SLC4A4: variants seen among roughly 807,000 people sequenced by gnomAD.
SLC4A4 encodes electrogenic sodium bicarbonate cotransporter 1.
A neutral mutation model predicts 111.5 loss-of-function variants in SLC4A4; 27 were observed. That is an observed-to-expected ratio of 0.24 (90% confidence interval 0.18 to 0.33). The LOEUF (loss-of-function observed/expected upper bound fraction) is 0.33, where lower values mean the gene tolerates loss of function less well. Ranked by LOEUF, SLC4A4 falls within the 10% of genes least tolerant of loss-of-function variation. The probability of loss-of-function intolerance (pLI) is 1.00; values close to 1 mark genes in which losing one functional copy is unlikely to be tolerated. For synonymous variants in SLC4A4, 443 were observed against 463.4 expected, an observed-to-expected ratio of 0.96 and a Z score of 0.57; for missense variants, 909 against 1,315.5, an observed-to-expected ratio of 0.69 and a Z score of 4.78.
chr4:71,385,171 T>TTA (rs199563560), intron 6 of SLC4A4, among the ~76,000 whole-genome samples: 1,895 of 39,896 alleles, frequency 0.047, 311 homozygotes, highest in South Asian at 0.11. Context: ...TAGGTTAGAT[T>TTA]TATATATATA....
chr4:71,503,068 T>C (rs1731091836), intron 16 of SLC4A4, among the ~76,000 whole-genome samples: 1 of 152,158 alleles, frequency 6.6e-6, no homozygotes, highest in African/African-American at 2.4e-5. Context: ...TTTATTATTA[T>C]ATAATGACCT....
intron 7 of SLC4A4, among the ~76,000 whole-genome samples, chr4:71,419,104 T>TG (rs953377235): frequency 1.3e-5 from 2 of 152,142 alleles, no homozygotes; most frequent in Non-Finnish European, 2.9e-5. Flanking sequence ...CTGCCCCTAC[T>TG]GGGGGGTGCC....
intron 7 of SLC4A4, among the ~76,000 whole-genome samples, chr4:71,421,570 G>T (rs1219260099): frequency 6.6e-6 from 1 of 152,050 alleles, no homozygotes; most frequent in Non-Finnish European, 1.5e-5. Context: ...TTCCAAAATT[G>T]ACCACATACT....
intron 3 of SLC4A4, among the ~76,000 whole-genome samples, chr4:71,309,822 A>G (rs1276921103): frequency 2.6e-5 from 4 of 152,030 alleles, no homozygotes; most frequent in African/African-American, 9.7e-5. Context: ...AAAATGGGAC[A>G]CCGAATGAGT....
At chr4:71,442,642 G>A (rs1431319576) in intron 8 of SLC4A4, among the ~76,000 whole-genome samples, 2 of 152,158 alleles carry the variant, frequency 1.3e-5, no homozygotes, top group Non-Finnish European at 2.9e-5. Context: ...ATGTTTTAAT[G>A]TGCATGCTAC....
chr4:71,267,805 A>AAG (rs1360486479), intron 3 of SLC4A4, among the ~76,000 whole-genome samples: 22 of 149,994 alleles, frequency 1.5e-4, no homozygotes, highest in East Asian at 7.8e-4. Context: ...AAAAAAAAAA[A>AAG]AAAAAAAAAA....
rs532016095 is a variant in SLC4A4, at chr4:71,554,869, T to TA, written c.2695-263dup. ...GAAACATAACTTTTCCTCCATTAAT[T>TA]AAAAAAAAGTTATTAGTAAGGTCAT... On this transcript the variant is annotated intron_variant, in intron 20 of 25. Coordinates refer to ENST00000264485, the MANE Select transcript of SLC4A4 (RefSeq NM_001098484.3). 3.2e-4 allele frequency among the ~76,000 whole-genome samples: 48 copies of TA among 151,562 alleles called. No homozygotes were observed. In the South Asian group the frequency reaches 5.6e-3, roughly 18 times the overall value.
intron 2 of SLC4A4, among the ~76,000 whole-genome samples, chr4:71,105,631 A>G (rs1368811820): frequency 7.2e-6 from 1 of 139,586 alleles, no homozygotes; most frequent in Admixed American, 7.2e-5. Flanking sequence ...ATCTACAACT[A>G]TCTGATCTTT....
chr4:71,466,645 A>C, intron 13 of SLC4A4, 68 bp downstream of exon 13: 1 of 1,463,342 alleles, frequency 6.8e-7, no homozygotes. Flanking sequence ...GGCTAGATAG[A>C]GCATAGAATA....
chr4:71,195,242 T>TTG (rs1553961253), intron 1 of SLC4A4, among the ~76,000 whole-genome samples: 1 of 149,098 alleles, frequency 6.7e-6, no homozygotes, highest in African/African-American at 2.5e-5. Context: ...TTTTTTTTTT[T>TTG]TTTTTTTTTT....
chr4:71,550,560 CTA>C (rs1302174017), intron 20 of SLC4A4, among the ~76,000 whole-genome samples: 1 of 151,784 alleles, frequency 6.6e-6, no homozygotes, highest in African/African-American at 2.4e-5. Context: ...CCCTTTGTGA[CTA>C]TGTGTTTTTT....
chr4:71,125,977 C>T (rs189959692), intron 2 of SLC4A4, among the ~76,000 whole-genome samples: 302 of 152,214 alleles, frequency 2.0e-3, no homozygotes, highest in East Asian at 5.0e-3. Flanking sequence ...CTCTATCATA[C>T]GTTTTTTCTG....
At chr4:71,309,917 A>G (rs191425650) in intron 3 of SLC4A4, among the ~76,000 whole-genome samples, 21 of 152,220 alleles carry the variant, frequency 1.4e-4, no homozygotes, top group Admixed American at 1.2e-3. Context: ...ACCCAATGCA[A>G]GGACTCTAAG....
In SLC4A4 at chr4:71,466,467, C is replaced by A. The variant is rs772214148; in HGVS notation, c.1521C>A (p.Gly507=). Residue 507 remains glycine (G), a synonymous_variant, in exon 13 of 26, where the codon GGC becomes GGA. Transcript: ENST00000264485. ...NMQGVLESFL[G]TAVSGAIFCL... ...AGGGCGTGTTGGAGAGTTTCCTGGG[C>A]ACTGCTGTCTCTGGAGCCATCTTTT... 3.1e-6 allele frequency: 5 copies of A among 1,613,658 alleles called. No homozygotes were observed. The highest frequency in any genetic ancestry group is 4.2e-6 in the Non-Finnish European group (5 of 1,179,696).
intron 18 of SLC4A4, among the ~76,000 whole-genome samples, chr4:71,536,462 A>ATC (rs1734448299): frequency 3.7e-5 from 2 of 53,954 alleles, no homozygotes; most frequent in African/African-American, 6.1e-5. Context: ...ATATACATAT[A>ATC]TACATATATA....
chr4:71,064,615 G>A (rs1741468006), intron 1 of SLC4A4, among the ~76,000 whole-genome samples: 1 of 152,172 alleles, frequency 6.6e-6, no homozygotes, highest in Non-Finnish European at 1.5e-5. Flanking sequence ...GCCATCGCAG[G>A]AGTAAGAAAT....
chr4:71,275,920 T>G (rs986116641), intron 3 of SLC4A4, among the ~76,000 whole-genome samples: 1 of 152,228 alleles, frequency 6.6e-6, no homozygotes, highest in East Asian at 1.9e-4. Flanking sequence ...GCTGGTGATT[T>G]ACCTCTGTTA....
chr4:71,557,600 A>T lies in SLC4A4; in HGVS notation c.2764-112A>T. The T allele has an allele frequency of 3.7e-6, 4 of 1,073,986 alleles. No homozygotes were observed. In the South Asian group the frequency reaches 5.3e-5, roughly 14 times the overall value. 66.5% of individuals were successfully genotyped at this position (1,073,986 alleles called of 1,614,324 possible). On this transcript the variant is annotated intron_variant, in intron 21 of 25. Coordinates refer to ENST00000264485, the MANE Select transcript of SLC4A4 (RefSeq NM_001098484.3). ...TCCTTGACCATTCCTTTGTCCTCTGAAAAGGACACTGCTTGCCTAAATTAT... is the reference window on the plus strand; with the variant it reads ...TCCTTGACCATTCCTTTGTCCTCTGTAAAGGACACTGCTTGCCTAAATTAT...
chr4:71,396,930 T>A (rs1352931182), intron 6 of SLC4A4, among the ~76,000 whole-genome samples: 1 of 152,186 alleles, frequency 6.6e-6, no homozygotes, highest in Admixed American at 6.5e-5. Context: ...TATACTTATT[T>A]TATTCTGGCA....
Sources: allele counts gnomAD v4.1 joint callset (sites outside exome capture counted in the v4.1 genomes callset), GRCh38; gene constraint gnomAD v4.1.1; transcripts MANE v1.5; gene names NCBI Gene and HGNC (gene_info 2026-07-23, HGNC 2026-07-21).